The following PTPRK variants were observed in gnomAD, a reference collection of about 807,000 sequenced individuals.
PTPRK encodes the protein protein tyrosine phosphatase receptor type K.
PTPRK carries 75 observed loss-of-function variants against 178.0 expected under a neutral mutation model. That is an observed-to-expected ratio of 0.42 (90% CI 0.35 to 0.51). The LOEUF (loss-of-function observed/expected upper bound fraction) is 0.51. Among genes scored for constraint, PTPRK ranks in the 20% least tolerant of loss-of-function variants. PTPRK has a pLI of 0.02. For missense variants in PTPRK, 1,441 were observed against 1,797.8 expected (o/e 0.80, Z 3.59); for synonymous variants, 637 against 620.6 (o/e 1.03, Z -0.39).
intron 18 of PTPRK, 69 bp from the exon 19 acceptor site, chr6:127,992,778 A>T: frequency 7.9e-7 from 1 of 1,268,772 alleles, no homozygotes; most frequent in Non-Finnish European, 1.1e-6. Flanking sequence ...AAGGCATAAA[A>T]AGATGAAGAC....
intron 27 of PTPRK, among the ~76,000 whole-genome samples, chr6:127,975,862 G>A (rs1015146821): frequency 6.9e-6 from 1 of 145,796 alleles, no homozygotes; most frequent in African/African-American, 2.7e-5. Context: ...TAGTAGAGAT[G>A]GGGTTTCACC....
chr6:128,305,608 A>G (rs1344960023), intron 3 of PTPRK, among the ~76,000 whole-genome samples: 1 of 152,212 alleles, frequency 6.6e-6, no homozygotes, highest in Admixed American at 6.5e-5. Context: ...GTAATTTAGG[A>G]AAGAAAGGCT....
At chr6:128,319,280 G>A (rs866874959) in intron 3 of PTPRK, among the ~76,000 whole-genome samples, 2 of 152,060 alleles carry the variant, frequency 1.3e-5, no homozygotes, top group African/African-American at 2.4e-5. Context: ...TTTAACCATC[G>A]CTATGGTATT....
intron 3 of PTPRK, among the ~76,000 whole-genome samples, chr6:128,301,590 G>A (rs751310351): frequency 2.0e-5 from 3 of 151,822 alleles, no homozygotes; most frequent in Non-Finnish European, 2.9e-5. Context: ...AAAACTTCAG[G>A]CATATAGTAT....
At chr6:128,003,063 C>T in intron 15 of PTPRK, 2 of 808,998 alleles carry the variant, frequency 2.5e-6, no homozygotes, top group Admixed American at 4.6e-5. Context: ...CAGTTGCTCT[C>T]TTTGATAATA....
intron 3 of PTPRK, among the ~76,000 whole-genome samples, chr6:128,287,396 G>A (rs1034095977): frequency 1.3e-5 from 2 of 152,132 alleles, no homozygotes; most frequent in African/African-American, 4.8e-5. Context: ...TCTGTTTCAT[G>A]TATTCCACAT....
At position 128,078,921 on chromosome 6, in the gene PTPRK, G is replaced by A. The variant is rs979984116; in HGVS notation, c.1778-3C>T. 1 of 1,576,910 alleles carries A rather than the reference G, an allele frequency of 6.3e-7. No individual in the cohort carries two copies. Among genetic ancestry groups the A allele is most frequent in the Middle Eastern group, 1.7e-4 (1 of 5,976 alleles). Reference sequence around the variant, plus strand: ...TTCATAGTCAGGTAAAGTTGGAGCTGATGAGTGATTAATGAGATAAAAAAG... The same window carrying A: ...TTCATAGTCAGGTAAAGTTGGAGCTAATGAGTGATTAATGAGATAAAAAAG... On this transcript the variant is annotated splice_polypyrimidine_tract_variant and splice_region_variant and intron_variant, in intron 10 of 29. Coordinates refer to ENST00000368226, the MANE Select transcript of PTPRK (RefSeq NM_002844.4).
At chr6:128,266,058 C>T (rs1818897057) in intron 3 of PTPRK, among the ~76,000 whole-genome samples, 1 of 152,210 alleles carries the variant, frequency 6.6e-6, no homozygotes, top group Admixed American at 6.6e-5. Flanking sequence ...ACTCCCCATC[C>T]TCCAGGACAG....
At chr6:128,396,349 T>C (rs1305892830) in intron 2 of PTPRK, among the ~76,000 whole-genome samples, 1 of 148,514 alleles carries the variant, frequency 6.7e-6, no homozygotes, top group Non-Finnish European at 1.5e-5. Flanking sequence ...ATATTATATA[T>C]ACATAACTAT....
intron 6 of PTPRK, among the ~76,000 whole-genome samples, chr6:128,191,689 T>G (rs557973379): frequency 6.6e-6 from 1 of 152,102 alleles, no homozygotes; most frequent in Admixed American, 6.5e-5. Context: ...TATATTCAAT[T>G]TTATTTGTTA....
chr6:128,405,846 T>G (rs773826644), intron 1 of PTPRK, among the ~76,000 whole-genome samples: 3 of 152,108 alleles, frequency 2.0e-5, no homozygotes, highest in Admixed American at 6.6e-5. Flanking sequence ...GGTTTGAATT[T>G]AAAGTTTTAC....
chr6:128,017,802 G>GTGTGTATATATATATATATA (rs1287001811), intron 13 of PTPRK, among the ~76,000 whole-genome samples: 1 of 101,258 alleles, frequency 9.9e-6, no homozygotes, highest in African/African-American at 3.3e-5. Flanking sequence ...ATATATATGT[G>GTGTGTATATATATATATATA]TATATATATA....
chr6:128,050,094 C>T (rs1000853020), intron 13 of PTPRK, among the ~76,000 whole-genome samples: 1 of 151,980 alleles, frequency 6.6e-6, no homozygotes, highest in Non-Finnish European at 1.5e-5. Flanking sequence ...GGAGATCACG[C>T]CATTGAACTC....
chr6:128,443,555 G>T (rs75665827), intron 1 of PTPRK, among the ~76,000 whole-genome samples: 2,504 of 152,320 alleles, frequency 0.016, 29 homozygotes, highest in Non-Finnish European at 0.027. Flanking sequence ...CCAAGTGGCA[G>T]AGACTAAAAC....
intron 3 of PTPRK, among the ~76,000 whole-genome samples, chr6:128,266,941 A>C (rs1437849819): frequency 6.6e-6 from 1 of 152,160 alleles, no homozygotes; most frequent in African/African-American, 2.4e-5. Context: ...TGAAAATTAT[A>C]TCTCACTTTA....
intron 5 of PTPRK, chr6:128,238,265 T>G (rs1266407540): frequency 2.6e-6 from 1 of 379,328 alleles, no homozygotes; most frequent in Non-Finnish European, 5.0e-6. Context: ...ATAGAATATT[T>G]TACCTCTCAT....
chr6:128,352,268 A>G (rs554821452), intron 2 of PTPRK, among the ~76,000 whole-genome samples: 1 of 151,304 alleles, frequency 6.6e-6, no homozygotes. Context: ...AAAAAAAAAA[A>G]AAAGAAATAT....
chr6:128,508,298 T>A (rs977994447), intron 1 of PTPRK, among the ~76,000 whole-genome samples: 1 of 152,104 alleles, frequency 6.6e-6, no homozygotes, highest in Admixed American at 6.6e-5. Context: ...TGGCACAGCA[T>A]GGGCACATAG....
At chr6:128,483,238 C>A (rs913055834) in intron 1 of PTPRK, among the ~76,000 whole-genome samples, 1 of 152,038 alleles carries the variant, frequency 6.6e-6, no homozygotes, top group African/African-American at 2.4e-5. Context: ...TTCTACCACT[C>A]GAAATGTTTA....
Sources: gnomAD v4.1 joint callset for allele counts (sites outside exome capture counted in the v4.1 genomes callset) on GRCh38, gnomAD v4.1.1 for gene constraint, MANE v1.5 for transcripts, NCBI Gene and HGNC (gene_info 2026-07-23, HGNC 2026-07-21) for gene names.